Variants in EVI5L observed in about 807,000 individuals in gnomAD.
EVI5L encodes EVI5-like protein.
EVI5L carries 30 observed loss-of-function variants against 106.1 expected under a neutral mutation model. The observed-to-expected ratio is 0.28, with a 90% CI of 0.21 to 0.38. The LOEUF (loss-of-function observed/expected upper bound fraction) is 0.38, where lower values mean the gene tolerates loss of function less well. EVI5L is among the 10% of genes least tolerant of loss of function. The pLI is 1.00. For missense variants in EVI5L, 809 were observed against 1,098.0 expected (o/e 0.74, Z 3.72); for synonymous variants, 489 against 483.3 (o/e 1.01, Z -0.15).
chr19:7,848,571 G>T lies in EVI5L; in HGVS notation c.328-350G>T, dbSNP rs188756016. Among the ~76,000 whole-genome samples the T allele has an allele frequency of 1.3e-5, 2 of 151,522 alleles. No homozygotes were observed. Among genetic ancestry groups the T allele is most frequent in the Non-Finnish European group, 2.9e-5 (2 of 67,922 alleles). ...CAAGATCACGCCACTGCACTCCGGC[G>T]TGGGCAACAGAGTGAGACTCCATCT... On this transcript the variant is annotated intron_variant, in intron 3 of 19. Coordinates refer to ENST00000538904, the MANE Select transcript of EVI5L (RefSeq NM_001159944.3). This position sits in a 1 kb window ranked among gnomAD's most constrained non-coding sequence, Gnocchi z 4.8.
chr19:7,849,897 A>T, intron 5 of EVI5L, 100 bp from the exon 6 acceptor site: 2 of 935,458 alleles, frequency 2.1e-6, no homozygotes, highest in East Asian at 5.3e-5. Context: ...CCAGGTACCG[A>T]CATGGACATG....
intron 1 of EVI5L, among the ~76,000 whole-genome samples, chr19:7,834,192 C>CA (rs761813051): frequency 1.4e-4 from 21 of 152,058 alleles, no homozygotes; most frequent in Non-Finnish European, 1.9e-4. Flanking sequence ...ATTAAAAATA[C>CA]AAAAAAATTA....
At chr19:7,842,542 T>G (rs542702000) in intron 1 of EVI5L, among the ~76,000 whole-genome samples, 10 of 148,922 alleles carry the variant, frequency 6.7e-5, no homozygotes, top group African/African-American at 2.2e-4. Context: ...TTGGGGTGTA[T>G]CAAGTGTGTG....
chr19:7,851,072 C>A (rs1979226429), intron 6 of EVI5L, among the ~76,000 whole-genome samples: 1 of 152,140 alleles, frequency 6.6e-6, no homozygotes, highest in Non-Finnish European at 1.5e-5. Context: ...CCATGCTCCA[C>A]CTCTGGGTCT....
intron 14 of EVI5L, among the ~76,000 whole-genome samples, chr19:7,861,038 A>T (rs1442483188): frequency 6.6e-6 from 1 of 152,098 alleles, no homozygotes; most frequent in African/African-American, 2.4e-5. Flanking sequence ...CTGCCTCCCT[A>T]CACATTCCCA....
At chr19:7,849,229 C>T in intron 4 of EVI5L, 27 bp from the exon 5 acceptor site, 1 of 1,614,048 alleles carries the variant, frequency 6.2e-7, no homozygotes, top group Non-Finnish European at 8.5e-7. Context: ...CGGCGGGACC[C>T]TGCTCTCAGG....
At chr19:7,836,346 G>A (rs1568231783) in intron 1 of EVI5L, among the ~76,000 whole-genome samples, 1 of 152,230 alleles carries the variant, frequency 6.6e-6, no homozygotes, top group Non-Finnish European at 1.5e-5. Flanking sequence ...ACTGAAAGAT[G>A]CATCATATGT....
chr19:7,839,621 C>T (rs1307890974), intron 1 of EVI5L, among the ~76,000 whole-genome samples: 2 of 151,880 alleles, frequency 1.3e-5, no homozygotes, highest in South Asian at 2.1e-4. Flanking sequence ...ACGTGGCAGG[C>T]GCCATCAAGA....
At chr19:7,843,335 CAT>C (rs1491414101) in intron 1 of EVI5L, among the ~76,000 whole-genome samples, 18 of 114,042 alleles carry the variant, frequency 1.6e-4, no homozygotes, top group Admixed American at 1.3e-3. Flanking sequence ...GTTGAGTGTG[CAT>C]GTGTGTGTAT....
In EVI5L at chr19:7,856,146, G is replaced by A. The variant is rs1568242270; in HGVS notation, c.1200+78G>A. ...ATGCGGGGCATGGCCGCTAACCTGG[G>A]GTGGACTCCTCCAAGTCTTCTCCTC... On this transcript the variant is annotated intron_variant, in intron 11 of 19. Coordinates refer to ENST00000538904, the MANE Select transcript of EVI5L (RefSeq NM_001159944.3). This position sits in a 1 kb window ranked among gnomAD's most constrained non-coding sequence, Gnocchi z 6.6. The A allele has an allele frequency of 7.9e-7, 1 of 1,262,252 alleles. No individual in the cohort carries two copies. Among genetic ancestry groups the A allele is most frequent in the African/African-American group, 1.5e-5 (1 of 65,458 alleles). 78.2% of individuals were successfully genotyped at this position (1,262,252 alleles called of 1,614,324 possible).
At position 7,848,226 on chromosome 19, in the gene EVI5L, G is replaced by C. The variant is rs1979055752; in HGVS notation, c.327+305G>C. Among the ~76,000 whole-genome samples the C allele has an allele frequency of 6.6e-6, 1 of 152,118 alleles. No individual in the cohort carries two copies. The highest frequency in any genetic ancestry group is 6.5e-5 in the Admixed American group (1 of 15,276). On this transcript the variant is annotated intron_variant, in intron 3 of 19. Coordinates refer to ENST00000538904, the MANE Select transcript of EVI5L (RefSeq NM_001159944.3). The surrounding 1 kb of genome is among the most constrained non-coding windows in gnomAD (Gnocchi z 4.8). ...TCAGCACTTTGGGCGGCCAAGGTGG[G>C]AGGATCGCTTGAGGCCAGGAGTTCG...
intron 1 of EVI5L, among the ~76,000 whole-genome samples, chr19:7,841,079 T>C (rs1978580746): frequency 6.6e-6 from 1 of 151,612 alleles, no homozygotes; most frequent in African/African-American, 2.4e-5. Flanking sequence ...TGAAGGAGGG[T>C]CTGGGTGATT....
intron 1 of EVI5L, among the ~76,000 whole-genome samples, chr19:7,843,680 G>A (rs1046947352): frequency 4.0e-5 from 6 of 151,724 alleles, no homozygotes; most frequent in African/African-American, 1.5e-4. Context: ...GTATGAGTGT[G>A]TGTGTGTGAG....
Position 7,830,243 on chromosome 19 carries a change from G to A in EVI5L, c.-186G>A, listed in dbSNP as rs1488058485. 3 of 152,238 alleles carry A rather than the reference G, an allele frequency of 2.0e-5. No homozygotes were observed. Among genetic ancestry groups the A allele is most frequent in the Non-Finnish European group, 4.4e-5 (3 of 67,818 alleles). The allele number at this position is 152,238 out of a possible 1,614,324, so 9.4% of individuals were successfully genotyped here. A position where few individuals can be genotyped will look rare whatever the true frequency, so the allele number is the denominator to read the frequency against. ...GTCAGCGGGTGAAATGGCAGCGGCG[G>A]AGCCGGCGGCGGCCGCGGTCCCGGG... On this transcript the variant is annotated 5_prime_UTR_variant, in exon 1 of 20. Transcript: ENST00000538904.
chr19:7,843,741 T>G (rs1191263331), intron 1 of EVI5L, among the ~76,000 whole-genome samples: 1 of 151,518 alleles, frequency 6.6e-6, no homozygotes, highest in Non-Finnish European at 1.5e-5. Flanking sequence ...TGTGTGAGAG[T>G]TTGTATGTGA....
At chr19:7,830,607 T>A (rs997425555) in intron 1 of EVI5L, among the ~76,000 whole-genome samples, 1 of 18,610 alleles carries the variant, frequency 5.4e-5, no homozygotes, top group African/African-American at 2.2e-4. Context: ...AGGATCCCCC[T>A]CCCCCACTCC....
At position 7,830,400 on chromosome 19, in the gene EVI5L, G is replaced by A. The variant is rs1405943445; in HGVS notation, c.-48+19G>A. ...GGCGCAGGTAGGGCGGCGCGGGCCG[G>A]GCCTCCCGGGCGCCTGCTCAGGCCG... On this transcript the variant is annotated intron_variant, in intron 1 of 19. Transcript: ENST00000538904. 1 of 151,340 alleles carries A rather than the reference G, an allele frequency of 6.6e-6. No individual in the cohort carries two copies. The highest frequency in any genetic ancestry group is 2.4e-5 in the African/African-American group (1 of 41,310). The allele number at this position is 151,340 out of a possible 1,614,324, so 9.4% of individuals were successfully genotyped here.
intron 2 of EVI5L, among the ~76,000 whole-genome samples, chr19:7,847,126 T>A (rs1296857803): frequency 6.6e-6 from 1 of 152,092 alleles, no homozygotes; most frequent in Non-Finnish European, 1.5e-5. Context: ...ATCCTGTCTC[T>A]ACTAAAAACA....
chr19:7,842,201 T>C (rs1978635311), intron 1 of EVI5L, among the ~76,000 whole-genome samples: 1 of 71,794 alleles, frequency 1.4e-5, no homozygotes, highest in Non-Finnish European at 3.2e-5. Flanking sequence ...GTGTTGTGTG[T>C]GCATGTATAT....
Sources: allele counts gnomAD v4.1 joint callset (sites outside exome capture counted in the v4.1 genomes callset), GRCh38; gene constraint gnomAD v4.1.1; non-coding constraint Gnocchi (gnomAD v3.1); transcripts MANE v1.5; gene names NCBI Gene and HGNC (gene_info 2026-07-23, HGNC 2026-07-21).